The following SLC9A9 variants were observed in gnomAD, a reference collection of about 807,000 sequenced individuals.
SLC9A9 encodes solute carrier family 9 member A9.
A neutral mutation model predicts 77.8 loss-of-function variants in SLC9A9; 62 were observed. The observed-to-expected ratio is 0.80, with a 90% confidence interval of 0.65 to 0.98. The LOEUF is 0.98. Among genes scored for constraint, SLC9A9 ranks in the 50% least tolerant of loss-of-function variants. SLC9A9 has a pLI of 0.00. For synonymous variants in SLC9A9, 320 were observed against 283.5 expected (o/e 1.13, Z -1.29); for missense variants, 775 against 774.9 (o/e 1.00, Z 0.00).
intron 12 of SLC9A9, among the ~76,000 whole-genome samples, chr3:143,442,254 A>G (rs2034755241): frequency 6.6e-6 from 1 of 152,226 alleles, no homozygotes; most frequent in Non-Finnish European, 1.5e-5. Flanking sequence ...GGACTCATGT[A>G]CTGTTACAGA....
intron 14 of SLC9A9, chr3:143,343,550 G>C (rs1423649625): frequency 6.6e-6 from 1 of 152,188 alleles, no homozygotes; most frequent in African/African-American, 2.4e-5. Context: ...AACTGCAGGA[G>C]TCCCTATTTT....
intron 11 of SLC9A9, among the ~76,000 whole-genome samples, chr3:143,468,302 T>C (rs1010927990): frequency 1.3e-5 from 2 of 152,258 alleles, no homozygotes; most frequent in African/African-American, 2.4e-5. Flanking sequence ...ATATAAGTCA[T>C]CCAATTTCTC....
chr3:143,655,499 T>C (rs2038873451), intron 5 of SLC9A9: 1 of 985,344 alleles, frequency 1.0e-6, no homozygotes, highest in Non-Finnish European at 1.2e-6. Flanking sequence ...CTTACTTTAG[T>C]TCCACTCATC....
intron 12 of SLC9A9, among the ~76,000 whole-genome samples, chr3:143,430,455 C>T (rs1040992476): frequency 6.6e-6 from 1 of 152,194 alleles, no homozygotes; most frequent in Non-Finnish European, 1.5e-5. Flanking sequence ...TGGCATAGGG[C>T]CTGGTCCCTA....
chr3:143,675,324 G>A (rs1452215266), intron 5 of SLC9A9, among the ~76,000 whole-genome samples: 1 of 152,146 alleles, frequency 6.6e-6, no homozygotes, highest in African/African-American at 2.4e-5. Flanking sequence ...CAGGCTGGTT[G>A]GGCAAAACAT....
chr3:143,301,251 A>G (rs2030502486), intron 14 of SLC9A9, among the ~76,000 whole-genome samples: 1 of 152,256 alleles, frequency 6.6e-6, no homozygotes, highest in South Asian at 2.1e-4. Context: ...CGCAAAATGC[A>G]TACTTTGTAA....
At chr3:143,476,915 C>A (rs1318182738) in intron 11 of SLC9A9, among the ~76,000 whole-genome samples, 1 of 152,196 alleles carries the variant, frequency 6.6e-6, no homozygotes, top group East Asian at 1.9e-4. Flanking sequence ...AAAGAATTAT[C>A]TGCCCCAAAT....
At chr3:143,826,300 C>G (rs118138373) in intron 2 of SLC9A9, among the ~76,000 whole-genome samples, 2 of 151,064 alleles carry the variant, frequency 1.3e-5, no homozygotes, top group Non-Finnish European at 2.9e-5. Context: ...TTGTGATTTT[C>G]TCCTACAAAT....
intron 5 of SLC9A9, among the ~76,000 whole-genome samples, chr3:143,652,841 A>G (rs951715596): frequency 4.8e-5 from 7 of 146,482 alleles, no homozygotes; most frequent in African/African-American, 1.5e-4. Flanking sequence ...CATTTTTTTC[A>G]TTCTTTAAGA....
At chr3:143,391,999 A>C (rs145698951) in intron 12 of SLC9A9, among the ~76,000 whole-genome samples, 9,151 of 151,518 alleles carry the variant, frequency 0.06, 411 homozygotes, top group African/African-American at 0.13. Context: ...AGTGATGGGG[A>C]GAATGGAATC....
chr3:143,474,610 T>G (rs1037041193), intron 11 of SLC9A9, among the ~76,000 whole-genome samples: 1 of 151,886 alleles, frequency 6.6e-6, no homozygotes, highest in African/African-American at 2.4e-5. Context: ...TGTCTGGGTG[T>G]ATAAGGGCGA....
At chr3:143,578,460 C>G (rs934081823) in intron 7 of SLC9A9, 125 bp downstream of exon 7, 11 of 1,411,264 alleles carry the variant, frequency 7.8e-6, no homozygotes, top group Middle Eastern at 1.8e-4. Flanking sequence ...CCAGTGGTGC[C>G]GTATGAAACT....
intron 14 of SLC9A9, among the ~76,000 whole-genome samples, chr3:143,302,655 C>T (rs562125321): frequency 1.1e-4 from 16 of 152,048 alleles, no homozygotes; most frequent in Admixed American, 2.0e-4. Flanking sequence ...AGGAAGATGG[C>T]GAGAGGGAGA....
At chr3:143,736,223 C>T (rs1934938602) in intron 4 of SLC9A9, among the ~76,000 whole-genome samples, 1 of 152,106 alleles carries the variant, frequency 6.6e-6, no homozygotes, top group African/African-American at 2.4e-5. Context: ...TCCCCTTGTC[C>T]CACATTCTTC....
intron 14 of SLC9A9, among the ~76,000 whole-genome samples, chr3:143,323,656 G>C (rs981934783): frequency 6.6e-6 from 1 of 152,186 alleles, no homozygotes; most frequent in African/African-American, 2.4e-5. Context: ...TTAAATGTTT[G>C]ATAGCAGAGT....
intron 6 of SLC9A9, among the ~76,000 whole-genome samples, chr3:143,611,298 T>A (rs1387282486): frequency 6.6e-6 from 1 of 152,140 alleles, no homozygotes; most frequent in Non-Finnish European, 1.5e-5. Flanking sequence ...ATCACATCAG[T>A]TGGTCCAATA....
intron 14 of SLC9A9, among the ~76,000 whole-genome samples, chr3:143,293,060 ATCTT>A (rs1271758271): frequency 6.6e-6 from 1 of 152,078 alleles, no homozygotes; most frequent in African/African-American, 2.4e-5. Context: ...TCTCCCATCT[ATCTT>A]TATTTTGGAG....
intron 12 of SLC9A9, among the ~76,000 whole-genome samples, chr3:143,463,972 T>C (rs2035239974): frequency 6.6e-6 from 1 of 152,180 alleles, no homozygotes; most frequent in Non-Finnish European, 1.5e-5. Context: ...CATCCTACTG[T>C]GGTAGTTTGC....
chr3:143,542,112 A>G (rs1292423470), intron 9 of SLC9A9, among the ~76,000 whole-genome samples: 4 of 152,212 alleles, frequency 2.6e-5, no homozygotes, highest in African/African-American at 9.6e-5. Flanking sequence ...TGTTCTTGCC[A>G]TGATGTGGGA....
Sources: gnomAD v4.1 joint callset for allele counts (sites outside exome capture counted in the v4.1 genomes callset) on GRCh38, gnomAD v4.1.1 for gene constraint, MANE v1.5 for transcripts, NCBI Gene and HGNC (gene_info 2026-07-23, HGNC 2026-07-21) for gene names.